The following KPNA7 variants were observed in gnomAD, a reference collection of about 807,000 sequenced individuals.
KPNA7 encodes the protein importin subunit alpha-8.
Under a neutral mutation model 53.7 loss-of-function variants are expected in KPNA7, and 54 were observed. That is an observed-to-expected ratio of 1.01 (90% CI 0.81 to 1.26). The LOEUF is 1.26. KPNA7 is among the 50% of genes most tolerant of loss of function. KPNA7 has a pLI of 0.00. For synonymous variants in KPNA7, 276 were observed against 259.3 expected, an observed-to-expected ratio of 1.06 and a Z score of -0.62; for missense variants, 640 against 644.5, an observed-to-expected ratio of 0.99 and a Z score of 0.07.
chr7:99,184,470 T>C (rs1789470271), intron 8 of KPNA7, among the ~76,000 whole-genome samples: 1 of 152,200 alleles, frequency 6.6e-6, no homozygotes, highest in Admixed American at 6.5e-5. Flanking sequence ...GCCTGCTTTG[T>C]TGTTTTTCTA....
chr7:99,173,692 G>A lies in KPNA7; in HGVS notation c.*16C>T. 6.6e-7 allele frequency: 1 copy of A among 1,515,230 alleles called. No individual in the cohort carries two copies. The highest frequency in any genetic ancestry group is 1.2e-5 in the South Asian group (1 of 82,970). The allele number at this position is 1,515,230 out of a possible 1,614,324, so 93.9% of individuals were successfully genotyped here. A position where few individuals can be genotyped will look rare whatever the true frequency, so the allele number is the denominator to read the frequency against. On this transcript the variant is annotated 3_prime_UTR_variant, in exon 11 of 11. Transcript: ENST00000327442. ...CTTTAGCACTGGGTTGTTGGTTTAG[G>A]AGGTAGGGAGCTTGGCTATTTTTTT...
downstream of KPNA7, among the ~76,000 whole-genome samples, chr7:99,171,321 T>C (rs1798765363): frequency 6.6e-6 from 1 of 152,230 alleles, no homozygotes; most frequent in Non-Finnish European, 1.5e-5. Context: ...TAAAAGCCAG[T>C]GGGTCTCAGT....
downstream of KPNA7, among the ~76,000 whole-genome samples, chr7:99,172,153 G>A (rs573130897): frequency 7.9e-5 from 12 of 152,250 alleles, no homozygotes; most frequent in South Asian, 2.1e-4. Context: ...TCTACGATGC[G>A]AAGAAAGGGA....
chr7:99,167,488 G>C, the KPNA7 span, among the ~76,000 whole-genome samples: 1 of 151,788 alleles, frequency 6.6e-6, no homozygotes, highest in Admixed American at 6.6e-5. Context: ...TTCAGATAGG[G>C]TCAAAAAAAG....
At chr7:99,164,404 C>T in the KPNA7 span, among the ~76,000 whole-genome samples, 1 of 151,910 alleles carries the variant, frequency 6.6e-6, no homozygotes, top group African/African-American at 2.4e-5. Context: ...AACCAAACAC[C>T]TCATGTTCTC....
intron 7 of KPNA7, among the ~76,000 whole-genome samples, chr7:99,185,714 C>T (rs1789547770): frequency 1.3e-5 from 2 of 152,156 alleles, no homozygotes; most frequent in African/African-American, 2.4e-5. Context: ...CCAAGAAATA[C>T]CTTTATCGAG....
At chr7:99,151,082 G>A in the KPNA7 span, among the ~76,000 whole-genome samples, 25 of 152,316 alleles carry the variant, frequency 1.6e-4, no homozygotes, top group African/African-American at 6.0e-4. Context: ...TTGTGTGAGG[G>A]AGGGATGCTA....
At chr7:99,203,031 T>TAGA in intron 3 of KPNA7, 75 bp downstream of exon 3, 3 of 1,498,934 alleles carry the variant, frequency 2.0e-6, no homozygotes, top group Non-Finnish European at 1.8e-6. Context: ...TCTGAATCTA[T>TAGA]TAAATATTAT....
the KPNA7 span, among the ~76,000 whole-genome samples, chr7:99,155,197 T>C: frequency 6.6e-6 from 1 of 152,224 alleles, no homozygotes; most frequent in African/African-American, 2.4e-5. Flanking sequence ...TCAGTTCTTC[T>C]ATTTCTACTT....
intron 8 of KPNA7, among the ~76,000 whole-genome samples, chr7:99,183,341 A>G (rs1018187103): frequency 6.6e-6 from 1 of 152,166 alleles, no homozygotes; most frequent in Non-Finnish European, 1.5e-5. Flanking sequence ...CTATTCTTCT[A>G]TTCCTGGGTA....
chr7:99,156,124 A>C, the KPNA7 span, among the ~76,000 whole-genome samples: 1 of 151,768 alleles, frequency 6.6e-6, no homozygotes, highest in African/African-American at 2.4e-5. Context: ...TCTTTTTGGG[A>C]GGTGGGGTAT....
In KPNA7 at chr7:99,195,281, G is replaced by A. The variant is rs745728291; in HGVS notation, c.342C>T (p.Leu114=). ...PPLKLVIEAG[L]IPRMVEFLKS... ...TCAGGAACTCCACCATCCTGGGAAT[G>A]AGGCCCGCTTCAATGACCAGTTTCA... The change falls in exon 5 of 11, where the codon CTC becomes CTT. Residue 114 remains leucine, a synonymous_variant. Transcript: ENST00000327442. 9 of 1,551,570 alleles carry A rather than the reference G, an allele frequency of 5.8e-6. No individual in the cohort carries two copies. The highest frequency in any genetic ancestry group is 7.8e-6 in the Non-Finnish European group (9 of 1,146,998).
downstream of KPNA7, among the ~76,000 whole-genome samples, chr7:99,171,683 C>T (rs1319029059): frequency 6.6e-6 from 1 of 152,148 alleles, no homozygotes; most frequent in Non-Finnish European, 1.5e-5. Flanking sequence ...ATTGCTTTAG[C>T]AAGGCTGCCC....
downstream of KPNA7, chr7:99,173,544 G>A (rs1001772231): frequency 9.0e-5 from 50 of 558,100 alleles, no homozygotes; most frequent in Admixed American, 1.0e-4. Context: ...GATGCAAGTC[G>A]TTTATCTGAA....
At chr7:99,188,081 A>G (rs961546855) in intron 7 of KPNA7, among the ~76,000 whole-genome samples, 5 of 147,010 alleles carry the variant, frequency 3.4e-5, no homozygotes, top group African/African-American at 1.3e-4. Context: ...AGGCTGAGAT[A>G]GGAGAATCGC....
chr7:99,184,124 C>T (rs867407475), intron 8 of KPNA7, among the ~76,000 whole-genome samples: 10 of 149,268 alleles, frequency 6.7e-5, no homozygotes, highest in Middle Eastern at 3.6e-3. Context: ...GCTGGGATTA[C>T]GGACATAAGC....
At chr7:99,213,511 A>G (rs1295228291) in intron 1 of KPNA7, among the ~76,000 whole-genome samples, 1 of 151,022 alleles carries the variant, frequency 6.6e-6, no homozygotes, top group Non-Finnish European at 1.5e-5. Context: ...CGGAGCAATC[A>G]TAACTCACTG....
intron 6 of KPNA7, among the ~76,000 whole-genome samples, chr7:99,190,897 A>T (rs1436038814): frequency 6.6e-6 from 1 of 152,026 alleles, no homozygotes; most frequent in Non-Finnish European, 1.5e-5. Context: ...GCTGGGTGAC[A>T]TATACACATA....
chr7:99,173,748 T>C lies in KPNA7; in HGVS notation c.1511A>G (p.Asp504Gly). ...QTLLSQVIDQ[D>G]YEFIDYECLA... ...GCATTCATAATCTATAAATTCATAA[T>C]CTTGGTCTATGACTTGGCTCAGTAA... Residue 504 changes from aspartate (D) to glycine (G), a missense_variant, in exon 11 of 11, where the codon GAT (aspartate) becomes GGT (glycine). Coordinates refer to ENST00000327442, the MANE Select transcript of KPNA7 (RefSeq NM_001145715.3). 1.3e-6 allele frequency: 2 copies of C among 1,551,876 alleles called. No homozygotes were observed. The highest frequency in any genetic ancestry group is 8.7e-7 in the Non-Finnish European group (1 of 1,146,888).
Sources: gnomAD v4.1 joint callset for allele counts (sites outside exome capture counted in the v4.1 genomes callset) on GRCh38, gnomAD v4.1.1 for gene constraint, MANE v1.5 for transcripts, NCBI Gene and HGNC (gene_info 2026-07-23, HGNC 2026-07-21) for gene names.